Variants in NALF1 observed in about 807,000 individuals in gnomAD.
The protein encoded by NALF1 is NALCN channel auxiliary factor 1, also known as family with sequence similarity 155 member A.
Under a neutral mutation model 48.4 loss-of-function variants are expected in NALF1, and 3 were observed. The observed-to-expected ratio is 0.06, with a 90% confidence interval of 0.03 to 0.16. NALF1 has a LOEUF of 0.16. Among genes scored for constraint, NALF1 ranks in the 10% least tolerant of loss-of-function variants. The pLI, the probability that NALF1 is intolerant of heterozygous loss-of-function variation, is 1.00. For synonymous variants in NALF1, 262 were observed against 245.7 expected (o/e 1.07, Z -0.62); for missense variants, 526 against 571.5 (o/e 0.92, Z 0.81).
intron 1 of NALF1, among the ~76,000 whole-genome samples, chr13:107,487,028 T>C (rs970856063): frequency 6.6e-6 from 1 of 152,056 alleles, no homozygotes; most frequent in Non-Finnish European, 1.5e-5. Context: ...GAACATGATA[T>C]AGTTATAGAC....
At chr13:107,264,730 T>C (rs930941657) in intron 1 of NALF1, among the ~76,000 whole-genome samples, 7 of 152,258 alleles carry the variant, frequency 4.6e-5, no homozygotes, top group Non-Finnish European at 1.5e-5. Flanking sequence ...CTCAGGTTTT[T>C]GCCTTTATCA....
intron 1 of NALF1, among the ~76,000 whole-genome samples, chr13:107,750,024 T>C (rs933007423): frequency 7.9e-5 from 12 of 152,156 alleles, no homozygotes; most frequent in African/African-American, 2.9e-4. Context: ...TTCACCATCT[T>C]GGCCAGGCTG....
At chr13:107,567,434 A>G (rs940697390) in intron 1 of NALF1, among the ~76,000 whole-genome samples, 6 of 152,258 alleles carry the variant, frequency 3.9e-5, no homozygotes, top group African/African-American at 1.4e-4. Flanking sequence ...TATTGGCCTG[A>G]TTGTCTACTT....
chr13:107,223,420 C>T (rs984655094), intron 1 of NALF1, among the ~76,000 whole-genome samples: 8 of 152,058 alleles, frequency 5.3e-5, no homozygotes, highest in Non-Finnish European at 1.2e-4. Flanking sequence ...TAACTTTTGC[C>T]ATGTTTCTGT....
Position 107,867,118 on chromosome 13 carries a change from G to GCCTCCCCTCCTCCTCCTCCT in NALF1, c.-542_-523dup, listed in dbSNP as rs1483665396. On this transcript the variant is annotated 5_prime_UTR_variant, in exon 1 of 3. Transcript: ENST00000375915. The surrounding 1 kb of genome is among the most constrained non-coding windows in gnomAD (Gnocchi z 4.4). ...GCTGCCCACTGACGGCGCCCGGAGC[G>GCCTCCCCTCCTCCTCCTCCT]CCTCCCCTCCTCCTCCTCCTCCTCC... Among the ~76,000 whole-genome samples, 1 of 150,128 alleles carries GCCTCCCCTCCTCCTCCTCCT rather than the reference G, an allele frequency of 6.7e-6. No homozygotes were observed. The highest frequency in any genetic ancestry group is 6.6e-5 in the Admixed American group (1 of 15,188).
At chr13:107,205,945 G>T (rs1469160603) in intron 2 of NALF1, among the ~76,000 whole-genome samples, 1 of 151,852 alleles carries the variant, frequency 6.6e-6, no homozygotes, top group Non-Finnish European at 1.5e-5. Flanking sequence ...GGAAGCCCAC[G>T]TAATTACCAC....
intron 1 of NALF1, among the ~76,000 whole-genome samples, chr13:107,611,209 G>A (rs9559097): frequency 0.042 from 6,365 of 152,268 alleles, 353 homozygotes; most frequent in East Asian, 0.26. Flanking sequence ...AAGGAAAGGC[G>A]TTTTAGTCAG....
At chr13:107,442,527 T>C (rs568917499) in intron 1 of NALF1, among the ~76,000 whole-genome samples, 201 of 152,268 alleles carry the variant, frequency 1.3e-3, no homozygotes, top group Non-Finnish European at 2.0e-3. Flanking sequence ...ATGCGTTTAA[T>C]GAAGTTGATG....
rs143959848 is a variant in NALF1, at chr13:107,468,564, TAGTA to T, written c.916-257813_916-257810del. Among the ~76,000 whole-genome samples, 1,366 of 152,294 alleles carry T rather than the reference TAGTA, an allele frequency of 9.0e-3. 18 individuals are homozygous for T. Among genetic ancestry groups the T allele is most frequent in the African/African-American group, 0.031 (1,290 of 41,566 alleles). On this transcript the variant is annotated intron_variant, in intron 1 of 2. Coordinates refer to ENST00000375915, the MANE Select transcript of NALF1 (RefSeq NM_001080396.3). The stretch of plus-strand genomic sequence containing the variant: ...TAAAAAGTATGAAACTACAATAAAA[TAGTA>T]AGTAAATCAATTTCTATTTTCAACA...
chr13:107,376,467 G>A (rs1375344128), intron 1 of NALF1, among the ~76,000 whole-genome samples: 2 of 152,106 alleles, frequency 1.3e-5, no homozygotes, highest in African/African-American at 2.4e-5. Context: ...AGCAAGCTCT[G>A]GTACATAATT....
chr13:107,485,253 A>G lies in NALF1; in HGVS notation c.916-274498T>C, dbSNP rs1885311574. Among the ~76,000 whole-genome samples, 4 of 152,146 alleles carry G rather than the reference A, an allele frequency of 2.6e-5. No homozygotes were observed. In the South Asian group the frequency reaches 6.2e-4, roughly 24 times the overall value. ...CAGTTGCCTCTCTTCGTGATTGCCA[A>G]TTAGACTCTTTGGTGTCACTCACTT... On this transcript the variant is annotated intron_variant, in intron 1 of 2. Transcript: ENST00000375915.
chr13:107,563,099 C>G (rs1017577299), intron 1 of NALF1, among the ~76,000 whole-genome samples: 1 of 152,110 alleles, frequency 6.6e-6, no homozygotes, highest in Non-Finnish European at 1.5e-5. Flanking sequence ...CAACAAAAAA[C>G]CATTTACTGA....
At chr13:107,482,976 G>A (rs2139062638) in intron 1 of NALF1, among the ~76,000 whole-genome samples, 1 of 152,264 alleles carries the variant, frequency 6.6e-6, no homozygotes, top group Non-Finnish European at 1.5e-5. Flanking sequence ...AACGTAAGCT[G>A]TCTAAATGCC....
chr13:107,572,567 C>T (rs1878019847), intron 1 of NALF1, among the ~76,000 whole-genome samples: 1 of 152,114 alleles, frequency 6.6e-6, no homozygotes, highest in Admixed American at 6.6e-5. Flanking sequence ...GTGACTTCTA[C>T]CAGCATCCAT....
chr13:107,373,401 G>C (rs1034039193), intron 1 of NALF1, among the ~76,000 whole-genome samples: 1 of 152,158 alleles, frequency 6.6e-6, no homozygotes, highest in Non-Finnish European at 1.5e-5. Context: ...ATGGATCAGA[G>C]TAAATGAACT....
chr13:107,547,199 G>T (rs1460469917), intron 1 of NALF1, among the ~76,000 whole-genome samples: 1 of 152,100 alleles, frequency 6.6e-6, no homozygotes, highest in Non-Finnish European at 1.5e-5. Context: ...TCAGAAGAGT[G>T]CCTCATATGT....
chr13:107,595,117 G>A (rs1018945087), intron 1 of NALF1, among the ~76,000 whole-genome samples: 9 of 152,016 alleles, frequency 5.9e-5, no homozygotes, highest in South Asian at 2.1e-4. Context: ...CAGCGACCAC[G>A]GTCCCAGAGA....
At chr13:107,303,907 T>G (rs949890254) in intron 1 of NALF1, among the ~76,000 whole-genome samples, 3 of 152,224 alleles carry the variant, frequency 2.0e-5, no homozygotes, top group African/African-American at 7.2e-5. Context: ...TTTCCTTAAT[T>G]TATTATTCAA....
intron 1 of NALF1, among the ~76,000 whole-genome samples, chr13:107,765,948 T>C (rs867547864): frequency 9.2e-5 from 14 of 152,324 alleles, no homozygotes; most frequent in Middle Eastern, 3.4e-3. Context: ...AATTCCTCTT[T>C]ATCTAGGTCA....
Sources: allele counts gnomAD v4.1 joint callset (sites outside exome capture counted in the v4.1 genomes callset), GRCh38; gene constraint gnomAD v4.1.1; non-coding constraint Gnocchi (gnomAD v3.1); transcripts MANE v1.5; gene names NCBI Gene and HGNC (gene_info 2026-07-23, HGNC 2026-07-21).